CNTN4: variants seen among roughly 807,000 people sequenced by gnomAD.
CNTN4 encodes contactin 4, also known as contactin-4.
CNTN4 carries 77 observed loss-of-function variants against 122.5 expected under a neutral mutation model. The observed-to-expected ratio is 0.63, with a 90% CI of 0.52 to 0.76. The LOEUF is 0.76. Among genes scored for constraint, CNTN4 ranks in the 30% least tolerant of loss-of-function variants. The pLI is 0.00. For synonymous variants in CNTN4, 512 were observed against 447.0 expected (o/e 1.15, Z -1.83); for missense variants, 1,256 against 1,259.1 (o/e 1.00, Z 0.04).
At chr3:2,480,110 C>A (rs555704928) in intron 3 of CNTN4, among the ~76,000 whole-genome samples, 1 of 150,468 alleles carries the variant, frequency 6.6e-6, no homozygotes, top group Admixed American at 6.6e-5. Flanking sequence ...AATAGAGAAG[C>A]GCTTCCTCAA....
intron 14 of CNTN4, chr3:2,999,216 G>A (rs934731852): frequency 7.9e-5 from 12 of 151,994 alleles, no homozygotes; most frequent in African/African-American, 2.9e-4. Flanking sequence ...AGATTATTTT[G>A]AACAATAAAT....
intron 4 of CNTN4, among the ~76,000 whole-genome samples, chr3:2,627,746 G>A (rs1310733894): frequency 6.6e-6 from 1 of 152,042 alleles, no homozygotes; most frequent in African/African-American, 2.4e-5. Flanking sequence ...GCCCGCCTCG[G>A]CCTCCCAAAG....
intron 4 of CNTN4, among the ~76,000 whole-genome samples, chr3:2,636,532 A>T (rs2082664900): frequency 6.6e-6 from 1 of 152,224 alleles, no homozygotes; most frequent in South Asian, 2.1e-4. Context: ...GTGTTTTAGA[A>T]AATAAATAAA....
At chr3:2,557,903 T>G (rs139720945) in intron 3 of CNTN4, among the ~76,000 whole-genome samples, 1 of 152,180 alleles carries the variant, frequency 6.6e-6, no homozygotes, top group East Asian at 1.9e-4. Context: ...TTTCACATAA[T>G]TTTTCCTATG....
chr3:2,998,777 A>G (rs1374118824), intron 14 of CNTN4, among the ~76,000 whole-genome samples: 1 of 152,216 alleles, frequency 6.6e-6, no homozygotes, highest in Admixed American at 6.5e-5. Flanking sequence ...GCTATTGCTC[A>G]TATTTCAGGA....
At chr3:2,834,262 C>CAAT (rs1186392299) in intron 7 of CNTN4, among the ~76,000 whole-genome samples, 103 of 152,062 alleles carry the variant, frequency 6.8e-4, no homozygotes, top group African/African-American at 2.3e-3. Context: ...TTGCTAGAGA[C>CAAT]AATAAAATCA....
intron 8 of CNTN4, among the ~76,000 whole-genome samples, chr3:2,870,959 C>T (rs1414276556): frequency 6.6e-6 from 1 of 152,098 alleles, no homozygotes; most frequent in Non-Finnish European, 1.5e-5. Context: ...GTTCACTGAC[C>T]ATTTACCACT....
At chr3:2,567,906 A>G (rs2079243857) in intron 3 of CNTN4, among the ~76,000 whole-genome samples, 2 of 152,032 alleles carry the variant, frequency 1.3e-5, no homozygotes, top group Non-Finnish European at 2.9e-5. Context: ...CTTCCTTAAC[A>G]TCTTGTTCTT....
intron 2 of CNTN4, among the ~76,000 whole-genome samples, chr3:2,294,288 C>CTTTTTT (rs71058604): frequency 7.4e-6 from 1 of 135,612 alleles, no homozygotes; most frequent in Non-Finnish European, 1.6e-5. Flanking sequence ...AGAGTTGTGA[C>CTTTTTT]TTTTTTTTTT....
chr3:2,361,326 A>G (rs1037176739), intron 3 of CNTN4, among the ~76,000 whole-genome samples: 3 of 152,228 alleles, frequency 2.0e-5, no homozygotes. Flanking sequence ...TTTGTCCCTC[A>G]GGAGATACTT....
At chr3:3,010,012 C>T (rs1044140038) in intron 14 of CNTN4, among the ~76,000 whole-genome samples, 2 of 152,046 alleles carry the variant, frequency 1.3e-5, no homozygotes. Context: ...CAGAACTCAA[C>T]AGCAGTGTCC....
chr3:2,292,304 T>C (rs1470247072), intron 2 of CNTN4, among the ~76,000 whole-genome samples: 1 of 152,222 alleles, frequency 6.6e-6, no homozygotes, highest in Non-Finnish European at 1.5e-5. Flanking sequence ...TTCTATCTCT[T>C]AGTGAATAAT....
rs144169175 is a variant in CNTN4 at position 2,655,001 on chromosome 3, G to C, written c.56-81214G>C. On this transcript the variant is annotated intron_variant, in intron 4 of 24. Transcript: ENST00000418658. ...AGCATCTCACTCTGAATGTCAGATG[G>C]ATTTTTAAAAAATTTATTCCCCAAA... Among the ~76,000 whole-genome samples, 407 of 152,222 alleles carry C rather than the reference G, an allele frequency of 2.7e-3. 2 individuals are homozygous for C. The highest frequency in any genetic ancestry group is 8.3e-3 in the East Asian group (43 of 5,182).
chr3:2,248,546 C>G (rs1284366696), intron 2 of CNTN4, among the ~76,000 whole-genome samples: 4 of 151,936 alleles, frequency 2.6e-5, no homozygotes, highest in Non-Finnish European at 4.4e-5. Flanking sequence ...AACATAAACC[C>G]CCCAAATATT....
At chr3:2,486,770 C>T (rs554034090) in intron 3 of CNTN4, among the ~76,000 whole-genome samples, 1 of 152,150 alleles carries the variant, frequency 6.6e-6, no homozygotes, top group South Asian at 2.1e-4. Flanking sequence ...ATGGATTAGC[C>T]TTCATGTTTG....
rs141673144 is a variant in CNTN4 at position 2,752,032 on chromosome 3, T to TA, written c.358+6339dup. ...GCAAGATTACATTGTAAAGCATATG[T>TA]AAAATCCCAGAATCATTTCCAACAT... On this transcript the variant is annotated intron_variant, in intron 6 of 24. Transcript: ENST00000418658. Among the ~76,000 whole-genome samples the TA allele has an allele frequency of 4.9e-3, 740 of 152,338 alleles. 7 individuals are homozygous for TA. The highest frequency in any genetic ancestry group is 0.016 in the African/African-American group (684 of 41,578).
chr3:2,318,186 C>G (rs953897870), intron 2 of CNTN4, among the ~76,000 whole-genome samples: 3 of 148,076 alleles, frequency 2.0e-5, no homozygotes, highest in African/African-American at 7.5e-5. Context: ...AATAACTTCT[C>G]TAGCCTGGGC....
intron 3 of CNTN4, among the ~76,000 whole-genome samples, chr3:2,547,189 G>C (rs2078280431): frequency 6.6e-6 from 1 of 151,972 alleles, no homozygotes; most frequent in South Asian, 2.1e-4. Flanking sequence ...AGTGTCTTTT[G>C]ACAGACCTGG....
intron 3 of CNTN4, among the ~76,000 whole-genome samples, chr3:2,447,535 T>A (rs2048669669): frequency 6.6e-6 from 1 of 152,308 alleles, no homozygotes. Context: ...ACTATTATAA[T>A]GTTCATAAGA....
Sources: gnomAD v4.1 joint callset for allele counts (sites outside exome capture counted in the v4.1 genomes callset) on GRCh38, gnomAD v4.1.1 for gene constraint, MANE v1.5 for transcripts, NCBI Gene and HGNC (gene_info 2026-07-23, HGNC 2026-07-21) for gene names.